Variants in CAVIN3 observed in about 807,000 individuals in gnomAD.
CAVIN3 encodes caveolae associated protein 3.
In CAVIN3, 11 loss-of-function variants were observed where a neutral mutation model predicts 8.2. That is an observed-to-expected ratio of 1.35 (90% CI 0.85 to 2.23). The LOEUF is 2.23. CAVIN3 is among the 30% of genes most tolerant of loss of function. The pLI, the probability that CAVIN3 is intolerant of heterozygous loss-of-function variation, is 0.00. For missense variants in CAVIN3, 401 were observed against 359.5 expected (o/e 1.12, Z -0.93); for synonymous variants, 191 against 166.3 (o/e 1.15, Z -1.14).
intron 1 of CAVIN3, 70 bp from the exon 2 acceptor site, chr11:6,319,634 A>G (rs1846785870): frequency 6.6e-7 from 1 of 1,506,664 alleles, no homozygotes; most frequent in South Asian, 1.2e-5. Context: ...TCACTCCTTA[A>G]TTACACAAGG....
At chr11:6,319,852 G>A in intron 1 of CAVIN3, 1 of 664,624 alleles carries the variant, frequency 1.5e-6, no homozygotes, top group Non-Finnish European at 2.6e-6. Context: ...AAATTCTGCG[G>A]ACGTGGCCTG....
rs748407762 is a variant in CAVIN3, at chr11:6,320,457, T to C, written c.20A>G (p.Glu7Gly). 6.6e-6 allele frequency: 10 copies of C among 1,524,318 alleles called. No homozygotes were observed. The highest frequency in any genetic ancestry group is 8.7e-6 in the Non-Finnish European group (10 of 1,143,410). 94.4% of individuals were successfully genotyped at this position (1,524,318 alleles called of 1,614,324 possible). MRESAL[E>G]RGPVPEAPAG... ...CGGCGCCTCGGGCACAGGCCCCCGC[T>C]CCAACGCACTCTCCCTCATGATCCC... The change falls in exon 1 of 2, where the codon GAG (glutamate) becomes GGG (glycine). Residue 7 changes from glutamate to glycine, a missense_variant. Physicochemically the swap from Glu to Gly is moderately conservative, Grantham distance 98. Transcript: ENST00000303927.
In CAVIN3 at chr11:6,319,956, G is replaced by A. The variant is rs867947430; in HGVS notation, c.384+137C>T. On this transcript the variant is annotated intron_variant, in intron 1 of 1. Transcript: ENST00000303927. ...TCTTGGGAAGTGGGTGCGGCTCTGT[G>A]AGTCTGTTCCACAGCAACAGACGGC... The A allele has an allele frequency of 8.1e-6, 8 of 993,586 alleles. No individual in the cohort carries two copies. The Middle Eastern group carries it at 1.8e-3, about 224-fold the overall frequency. The allele number at this position is 993,586 out of a possible 1,614,324, so 61.5% of individuals were successfully genotyped here.
chr11:6,319,378 T>C lies in CAVIN3; in HGVS notation c.571A>G (p.Arg191Gly). The change falls in exon 2 of 2, where the codon AGG (arginine) becomes GGG (glycine). Residue 191 changes from arginine to glycine, a missense_variant. Coordinates refer to ENST00000303927, the MANE Select transcript of CAVIN3 (RefSeq NM_145040.3). ...GGGCCTTTCCGGCCCGAAAGGGCCCTTCGGAGGCTCTGTACCTTCTGCAAT... is the reference window on the plus strand; with the variant it reads ...GGGCCTTTCCGGCCCGAAAGGGCCCCTCGGAGGCTCTGTACCTTCTGCAAT... ...TGLQKVQSLR[R>G]ALSGRKGPAA... 6.2e-7 allele frequency: 1 copy of C among 1,600,170 alleles called. No individual in the cohort carries two copies. The highest frequency in any genetic ancestry group is 1.3e-5 in the African/African-American group (1 of 74,338).
chr11:6,319,408 T>G lies in CAVIN3; in HGVS notation c.541A>C (p.Thr181Pro). 2 of 1,611,120 alleles carry G rather than the reference T, an allele frequency of 1.2e-6. No individual in the cohort carries two copies. The highest frequency in any genetic ancestry group is 2.2e-5 in the South Asian group (2 of 90,820). Reference protein sequence around the residue: ...VESRAQRLRRTGLQKVQSLRR... With the variant: ...VESRAQRLRRPGLQKVQSLRR... ...AGGCTCTGTACCTTCTGCAATCCGG[T>G]GCGCCGCAGCCGCTGGGCCCTGGAC... is the stretch of plus-strand genomic sequence containing the variant. Residue 181 changes from threonine to proline, a missense_variant, in exon 2 of 2, where the codon ACC becomes CCC. By Grantham distance (38) the Thr-to-Pro change is conservative. Coordinates refer to ENST00000303927, the MANE Select transcript of CAVIN3 (RefSeq NM_145040.3).
rs542679394 is a variant in CAVIN3, at chr11:6,319,026, G to C, written c.*137C>G. The C allele has an allele frequency of 2.5e-6, 2 of 808,814 alleles. No homozygotes were observed. The highest frequency in any genetic ancestry group is 3.8e-6 in the Non-Finnish European group (2 of 525,100). 50.1% of individuals were successfully genotyped at this position (808,814 alleles called of 1,614,324 possible). A position where few individuals can be genotyped will look rare whatever the true frequency, so the allele number is the denominator to read the frequency against. ...CCTCTTTCAGAGGACACAGGACTGG[G>C]CTTAAGGAAGGGAGGGCCAGAGCGC... is the stretch of plus-strand genomic sequence containing the variant. On this transcript the variant is annotated 3_prime_UTR_variant, in exon 2 of 2. Transcript: ENST00000303927.
At position 6,320,137 on chromosome 11, in the gene CAVIN3, C is replaced by G. The variant is rs754616190; in HGVS notation, c.340G>C (p.Gly114Arg). ...AQVQRLEANHGLLVARGKLHV... is the reference protein window; with the variant it reads ...AQVQRLEANHRLLVARGKLHV... ...AGCTTCCCGCGCGCCACCAGCAGCCCGTGGTTGGCCTCCAGCCGCTGCACC... is the reference window on the plus strand; with the variant it reads ...AGCTTCCCGCGCGCCACCAGCAGCCGGTGGTTGGCCTCCAGCCGCTGCACC... Residue 114 changes from glycine (G) to arginine (R), a missense_variant, in exon 1 of 2, where the codon GGG (glycine) becomes CGG (arginine). Physicochemically the swap from Gly to Arg is moderately radical, Grantham distance 125. Coordinates refer to ENST00000303927, the MANE Select transcript of CAVIN3 (RefSeq NM_145040.3). The G allele has an allele frequency of 2.5e-6, 4 of 1,588,632 alleles. No homozygotes were observed. The highest frequency in any genetic ancestry group is 3.4e-6 in the Non-Finnish European group (4 of 1,175,766).
At position 6,319,009 on chromosome 11, in the gene CAVIN3, A is replaced by G; in HGVS notation, c.*154T>C. 1.5e-6 allele frequency: 1 copy of G among 645,862 alleles called. No individual in the cohort carries two copies. Among genetic ancestry groups the G allele is most frequent in the Non-Finnish European group, 2.5e-6 (1 of 400,348 alleles). 40.0% of individuals were successfully genotyped at this position (645,862 alleles called of 1,614,324 possible). On this transcript the variant is annotated 3_prime_UTR_variant, in exon 2 of 2. Transcript: ENST00000303927. ...AGGTGTGAGTGACTGCACCTCTTTC[A>G]GAGGACACAGGACTGGGCTTAAGGA...
At position 6,319,217 on chromosome 11, in the gene CAVIN3, G is replaced by A. The variant is rs1215207361; in HGVS notation, c.732C>T (p.Pro244=). 3 of 1,564,674 alleles carry A rather than the reference G, an allele frequency of 1.9e-6. No homozygotes were observed. The highest frequency in any genetic ancestry group is 8.6e-7 in the Non-Finnish European group (1 of 1,159,966). Residue 244 remains proline (P), a synonymous_variant, in exon 2 of 2, where the codon CCC becomes CCT. Coordinates refer to ENST00000303927, the MANE Select transcript of CAVIN3 (RefSeq NM_145040.3). Reference sequence around the variant, plus strand: ...CTTCTTCGGCAGCCCCAGGTCTCCCGGGATCTTCCTCGGTGTCCTGCGGAG... The same window carrying A: ...CTTCTTCGGCAGCCCCAGGTCTCCCAGGATCTTCCTCGGTGTCCTGCGGAG... ...PEPPQDTEED[P]GRPGAAEEAL...
At chr11:6,319,713 G>A (rs1288072859) in intron 1 of CAVIN3, 149 bp from the exon 2 acceptor site, 2 of 1,015,526 alleles carry the variant, frequency 2.0e-6, no homozygotes, top group South Asian at 1.4e-5. Flanking sequence ...GGGAGGGAAA[G>A]CTGCGTGCGA....
Position 6,319,250 on chromosome 11 carries a change from C to A in CAVIN3, c.699G>T (p.Glu233Asp), listed in dbSNP as rs748174686. Residue 233 changes from glutamate (E) to aspartate (D), a missense_variant, in exon 2 of 2, where the codon GAG (glutamate) becomes GAT (aspartate). Coordinates refer to ENST00000303927, the MANE Select transcript of CAVIN3 (RefSeq NM_145040.3). ...CCTCGGTGTCCTGCGGAGGCTCTGGCTCCAGCGTGGGCTCCAGCGCAGGCT... is the reference window on the plus strand; with the variant it reads ...CCTCGGTGTCCTGCGGAGGCTCTGGATCCAGCGTGGGCTCCAGCGCAGGCT... ...EAQPALEPTL[E>D]PEPPQDTEED... 1.2e-6 allele frequency: 2 copies of A among 1,601,988 alleles called. No homozygotes were observed. The highest frequency in any genetic ancestry group is 2.2e-5 in the South Asian group (2 of 89,128).
rs764036573 is a variant in CAVIN3, at chr11:6,319,577, G to T, written c.385-13C>A. 13 of 1,560,090 alleles carry T rather than the reference G, an allele frequency of 8.3e-6. No homozygotes were observed. The African/African-American group carries it at 9.5e-5, about 11-fold the overall frequency. On this transcript the variant is annotated splice_polypyrimidine_tract_variant and intron_variant, in intron 1 of 1. Transcript: ENST00000303927. ...CTTCACCCTCCTCCTGCATGTGACG[G>T]ACACAGCACTGATCCTGGCAGCTCC...
Position 6,319,334 on chromosome 11 carries a change from G to A in CAVIN3, c.615C>T (p.Thr205=). The A allele has an allele frequency of 6.2e-7, 1 of 1,600,908 alleles. No homozygotes were observed. Among genetic ancestry groups the A allele is most frequent in the East Asian group, 2.2e-5 (1 of 44,734 alleles). The change falls in exon 2 of 2, where the codon ACC becomes ACT. Residue 205 remains threonine (T), a synonymous_variant. Coordinates refer to ENST00000303927, the MANE Select transcript of CAVIN3 (RefSeq NM_145040.3). Reference sequence around the variant, plus strand: ...GCCCAAGGCGAGGCGGCTTGACCGGGGTGGGCGGTGGCGCTGCAGGGCCTT... The same window carrying A: ...GCCCAAGGCGAGGCGGCTTGACCGGAGTGGGCGGTGGCGCTGCAGGGCCTT... ...GRKGPAAPPP[T]PVKPPRLGPG...
chr11:6,319,412 C>T lies in CAVIN3; in HGVS notation c.537G>A (p.Arg179=), dbSNP rs1846776373. ...EPVESRAQRL[R]RTGLQKVQSL... is the part of the protein sequence containing the mutation. ...TCTGTACCTTCTGCAATCCGGTGCG[C>T]CGCAGCCGCTGGGCCCTGGACTCCA... The change falls in exon 2 of 2, where the codon CGG becomes CGA. Residue 179 remains arginine (R), a synonymous_variant. Transcript: ENST00000303927. 1 of 1,611,076 alleles carries T rather than the reference C, an allele frequency of 6.2e-7. No individual in the cohort carries two copies. The highest frequency in any genetic ancestry group is 8.5e-7 in the Non-Finnish European group (1 of 1,179,414).
At position 6,319,577 on chromosome 11, in the gene CAVIN3, G is replaced by A; in HGVS notation, c.385-13C>T. 1 of 1,560,208 alleles carries A rather than the reference G, an allele frequency of 6.4e-7. No individual in the cohort carries two copies. Among genetic ancestry groups the A allele is most frequent in the Non-Finnish European group, 8.6e-7 (1 of 1,159,154 alleles). On this transcript the variant is annotated splice_polypyrimidine_tract_variant and intron_variant, in intron 1 of 1. Transcript: ENST00000303927. ...CTTCACCCTCCTCCTGCATGTGACGGACACAGCACTGATCCTGGCAGCTCC... is the reference window on the plus strand; with the variant it reads ...CTTCACCCTCCTCCTGCATGTGACGAACACAGCACTGATCCTGGCAGCTCC...
At position 6,320,247 on chromosome 11, in the gene CAVIN3, G is replaced by A. The variant is rs1202164374; in HGVS notation, c.230C>T (p.Thr77Ile). Residue 77 changes from threonine to isoleucine, a missense_variant, in exon 1 of 2, where the codon ACC becomes ATC. Thr to Ile is a moderately conservative substitution (Grantham distance 89). Transcript: ENST00000303927. ...LSRSHDTTSN[T>I]LAQLLAKAER... ...CGCCTTGGCCAGCAGCTGCGCCAAG[G>A]TGTTGCTGGTGGTGTCGTGGCTGCG... 6 of 1,564,664 alleles carry A rather than the reference G, an allele frequency of 3.8e-6. No individual in the cohort carries two copies. In the South Asian group the frequency reaches 5.7e-5, roughly 15 times the overall value.
rs1846825007 is a variant in CAVIN3 at position 6,320,462 on chromosome 11, C to T, written c.15G>A (p.Ala5=). The T allele has an allele frequency of 2.0e-6, 3 of 1,523,772 alleles. No individual in the cohort carries two copies. In the East Asian group the frequency reaches 7.1e-5, roughly 36 times the overall value. 94.4% of individuals were successfully genotyped at this position (1,523,772 alleles called of 1,614,324 possible). Residue 5 remains alanine, a synonymous_variant, in exon 1 of 2, where the codon GCG becomes GCA. Coordinates refer to ENST00000303927, the MANE Select transcript of CAVIN3 (RefSeq NM_145040.3). ...CCTCGGGCACAGGCCCCCGCTCCAACGCACTCTCCCTCATGATCCCTGACC... is the reference window on the plus strand; with the variant it reads ...CCTCGGGCACAGGCCCCCGCTCCAATGCACTCTCCCTCATGATCCCTGACC... MRES[A]LERGPVPEAP...
rs1181997110 is a variant in CAVIN3, at chr11:6,320,243, C to T, written c.234G>A (p.Leu78=). ...SRSHDTTSNT[L]AQLLAKAERV... ...GCTCCGCCTTGGCCAGCAGCTGCGC[C>T]AAGGTGTTGCTGGTGGTGTCGTGGC... is the stretch of plus-strand genomic sequence containing the variant. Residue 78 remains leucine (L), a synonymous_variant, in exon 1 of 2, where the codon TTG becomes TTA. Transcript: ENST00000303927. 2 of 1,564,570 alleles carry T rather than the reference C, an allele frequency of 1.3e-6. No individual in the cohort carries two copies. The highest frequency in any genetic ancestry group is 1.1e-5 in the South Asian group (1 of 87,062).
chr11:6,320,072 G>T, intron 1 of CAVIN3, 21 bp downstream of exon 1: 1 of 1,566,888 alleles, frequency 6.4e-7, no homozygotes, highest in Non-Finnish European at 8.6e-7. Context: ...CTCGGATTGG[G>T]GACCGTTTGA....
Sources: allele counts gnomAD v4.1 joint callset, GRCh38; gene constraint gnomAD v4.1.1; transcripts MANE v1.5; gene names NCBI Gene and HGNC (gene_info 2026-07-23, HGNC 2026-07-21).